Variants in CNTNAP4 observed in about 807,000 individuals in gnomAD.
CNTNAP4 encodes the protein contactin associated protein family member 4, also known as contactin-associated protein-like 4.
A neutral mutation model predicts 148.4 loss-of-function variants in CNTNAP4; 98 were observed. The ratio of observed to expected loss-of-function variants is 0.66; its 90% confidence interval spans 0.56 to 0.78. The LOEUF is 0.78. CNTNAP4 is among the 30% of genes least tolerant of loss of function. CNTNAP4 has a pLI of 0.00. For missense variants in CNTNAP4, 1,935 were observed against 1,565.6 expected (o/e 1.24, Z -3.98); for synonymous variants, 730 against 565.1 (o/e 1.29, Z -4.14).
In CNTNAP4 at chr16:76,324,788, AAG is replaced by A. The variant is rs1320940118; in HGVS notation, c.196+8269_196+8270del. Among the ~76,000 whole-genome samples the A allele has an allele frequency of 9.2e-5, 14 of 152,268 alleles. No individual in the cohort carries two copies. In the East Asian group the frequency reaches 2.7e-3, roughly 29 times the overall value. On this transcript the variant is annotated intron_variant, in intron 2 of 23. Coordinates refer to ENST00000611870, the MANE Select transcript of CNTNAP4 (RefSeq NM_033401.5). Reference sequence around the variant, plus strand: ...ACCTTTCCTGGTACTTACTCATGAAAAGAGATCTCTCTCTCTGTTTCCTCTTC... The same window carrying A: ...ACCTTTCCTGGTACTTACTCATGAAAAGATCTCTCTCTCTGTTTCCTCTTC...
chr16:76,505,143 A>G (rs532740704), intron 15 of CNTNAP4, among the ~76,000 whole-genome samples: 11 of 152,258 alleles, frequency 7.2e-5, no homozygotes, highest in Middle Eastern at 3.5e-3. Context: ...GAAAATCTAT[A>G]TGCATATAGT....
intron 12 of CNTNAP4, among the ~76,000 whole-genome samples, chr16:76,485,421 T>C (rs1305471259): frequency 2.0e-5 from 3 of 152,246 alleles, no homozygotes; most frequent in Non-Finnish European, 2.9e-5. Flanking sequence ...CCAGCCTTCA[T>C]TGCTTTTTCT....
intron 23 of CNTNAP4, among the ~76,000 whole-genome samples, chr16:76,556,014 T>G (rs2085182721): frequency 6.6e-6 from 1 of 152,184 alleles, no homozygotes; most frequent in Non-Finnish European, 1.5e-5. Flanking sequence ...GGTAGAATCC[T>G]TTGTTCATTG....
At chr16:76,465,489 A>G (rs12918280) in intron 9 of CNTNAP4, among the ~76,000 whole-genome samples, 48,855 of 152,084 alleles carry the variant, frequency 0.32, 9,400 homozygotes, top group Non-Finnish European at 0.42. Context: ...TTTGTTCCCT[A>G]CAGGCATATT....
chr16:76,496,316 A>T (rs1226004445), intron 14 of CNTNAP4, among the ~76,000 whole-genome samples: 13 of 152,112 alleles, frequency 8.5e-5, no homozygotes. Flanking sequence ...GCTTAGCAAC[A>T]ATAAAAATTA....
At chr16:76,357,280 C>T (rs1408571849) in intron 3 of CNTNAP4, among the ~76,000 whole-genome samples, 1 of 152,156 alleles carries the variant, frequency 6.6e-6, no homozygotes, top group Non-Finnish European at 1.5e-5. Context: ...GTGGCTAATG[C>T]ATGCTAATAT....
chr16:76,452,441 T>G, intron 7 of CNTNAP4, 67 bp from the exon 8 acceptor site: 4 of 1,537,836 alleles, frequency 2.6e-6, no homozygotes, highest in Non-Finnish European at 3.6e-6. Context: ...AAAAGCAGCC[T>G]TCAAATTCTG....
chr16:76,548,644 T>C (rs1467865442), intron 21 of CNTNAP4, among the ~76,000 whole-genome samples: 1 of 151,974 alleles, frequency 6.6e-6, no homozygotes, highest in Non-Finnish European at 1.5e-5. Flanking sequence ...CACTTGAGGG[T>C]TACTTTTTAA....
At chr16:76,486,156 A>T (rs752771521) in intron 12 of CNTNAP4, among the ~76,000 whole-genome samples, 1 of 152,166 alleles carries the variant, frequency 6.6e-6, no homozygotes, top group Non-Finnish European at 1.5e-5. Flanking sequence ...CTACCATTCA[A>T]TGGAGATTTT....
At chr16:76,377,660 A>T (rs1309279870) in intron 3 of CNTNAP4, among the ~76,000 whole-genome samples, 1 of 152,132 alleles carries the variant, frequency 6.6e-6, no homozygotes, top group Non-Finnish European at 1.5e-5. Flanking sequence ...CTCAGTCTGG[A>T]GGGGCAAAGT....
intron 17 of CNTNAP4, among the ~76,000 whole-genome samples, chr16:76,527,089 A>C (rs1327599227): frequency 6.6e-6 from 1 of 152,150 alleles, no homozygotes; most frequent in Non-Finnish European, 1.5e-5. Context: ...CACAAGCCAT[A>C]AGCTTGCCAG....
chr16:76,451,901 A>C (rs1042104919), intron 7 of CNTNAP4, among the ~76,000 whole-genome samples: 11 of 152,172 alleles, frequency 7.2e-5, no homozygotes, highest in African/African-American at 2.4e-4. Flanking sequence ...TTCTCAACAC[A>C]AAGAAAAGAT....
Position 76,448,008 on chromosome 16 carries a change from C to T in CNTNAP4, c.539-4C>T, listed in dbSNP as rs1374092667. On this transcript the variant is annotated splice_polypyrimidine_tract_variant and splice_region_variant and intron_variant, in intron 4 of 23. Transcript: ENST00000611870. Reference sequence around the variant, plus strand: ...AGAATGCCTTCTACTATCTTTGTTTCTAGGATCAGAAGTGGTTGATCTTGA... The same window carrying T: ...AGAATGCCTTCTACTATCTTTGTTTTTAGGATCAGAAGTGGTTGATCTTGA... The T allele has an allele frequency of 2.5e-6, 4 of 1,604,906 alleles. No homozygotes were observed. Among genetic ancestry groups the T allele is most frequent in the Non-Finnish European group, 3.4e-6 (4 of 1,172,990 alleles).
chr16:76,298,251 G>A (rs766727918), intron 1 of CNTNAP4, among the ~76,000 whole-genome samples: 10 of 152,168 alleles, frequency 6.6e-5, no homozygotes. Flanking sequence ...ATTCCAAGCT[G>A]ATAATCTCAG....
intron 12 of CNTNAP4, among the ~76,000 whole-genome samples, chr16:76,488,048 C>A (rs2082087444): frequency 6.6e-6 from 1 of 152,078 alleles, no homozygotes; most frequent in Non-Finnish European, 1.5e-5. Flanking sequence ...TTTTTTTGAA[C>A]AAAAGAAACA....
chr16:76,375,840 C>T (rs190711885), intron 3 of CNTNAP4, among the ~76,000 whole-genome samples: 243 of 152,236 alleles, frequency 1.6e-3, no homozygotes, highest in Middle Eastern at 6.8e-3. Context: ...AGCCACAGCA[C>T]TAAAAAGAAA....
chr16:76,412,707 A>G (rs1380663624), intron 3 of CNTNAP4, among the ~76,000 whole-genome samples: 3 of 151,254 alleles, frequency 2.0e-5, no homozygotes, highest in Non-Finnish European at 4.4e-5. Context: ...TTTGTAGTTC[A>G]CTATGTATTC....
At chr16:76,546,224 C>T (rs951472934) in intron 21 of CNTNAP4, among the ~76,000 whole-genome samples, 9 of 152,050 alleles carry the variant, frequency 5.9e-5, no homozygotes, top group African/African-American at 2.2e-4. Context: ...ACTATGCAGC[C>T]ACAACAAGGA....
At chr16:76,512,919 G>C (rs1423318899) in intron 15 of CNTNAP4, among the ~76,000 whole-genome samples, 1 of 152,150 alleles carries the variant, frequency 6.6e-6, no homozygotes, top group Non-Finnish European at 1.5e-5. Context: ...ACTGATAATG[G>C]CTTTAGCAAC....
Sources: gnomAD v4.1 joint callset for allele counts (sites outside exome capture counted in the v4.1 genomes callset) on GRCh38, gnomAD v4.1.1 for gene constraint, MANE v1.5 for transcripts, NCBI Gene and HGNC (gene_info 2026-07-23, HGNC 2026-07-21) for gene names.